The following LSAMP variants were observed in gnomAD, a reference collection of about 807,000 sequenced individuals.
LSAMP encodes limbic system associated membrane protein.
In LSAMP, 7 loss-of-function variants were observed where a neutral mutation model predicts 38.6. That is an observed-to-expected ratio of 0.18 (90% CI 0.10 to 0.34). The LOEUF (loss-of-function observed/expected upper bound fraction) is 0.34. Ranked by LOEUF, LSAMP falls within the 10% of genes least tolerant of loss-of-function variation. LSAMP has a pLI of 1.00. For missense variants in LSAMP, 313 were observed against 420.0 expected (o/e 0.75, Z 2.23); for synonymous variants, 154 against 166.8 (o/e 0.92, Z 0.59).
intron 3 of LSAMP, among the ~76,000 whole-genome samples, chr3:115,863,139 AC>A: frequency 6.6e-6 from 1 of 152,328 alleles, no homozygotes; most frequent in Middle Eastern, 3.4e-3. Context: ...ATAGTCTCGA[AC>A]TTGACAAGTC....
At chr3:116,083,286 A>C (rs1286686611) in intron 2 of LSAMP, among the ~76,000 whole-genome samples, 3 of 152,240 alleles carry the variant, frequency 2.0e-5, no homozygotes, top group Non-Finnish European at 2.9e-5. Flanking sequence ...TGTTATCAAC[A>C]TCATCATCAA....
intron 1 of LSAMP, among the ~76,000 whole-genome samples, chr3:116,335,990 C>A (rs1311338591): frequency 6.6e-6 from 1 of 151,976 alleles, no homozygotes; most frequent in Non-Finnish European, 1.5e-5. Context: ...TTTGACAAGG[C>A]TGTCAAGACC....
chr3:115,926,094 G>GTTTAGC (rs1937492619), intron 3 of LSAMP, among the ~76,000 whole-genome samples: 1 of 152,158 alleles, frequency 6.6e-6, no homozygotes, highest in South Asian at 2.1e-4. Flanking sequence ...TGTTATGTGA[G>GTTTAGC]ATGTATGAAG....
At chr3:116,281,703 TAAATC>T (rs2047129559) in intron 1 of LSAMP, among the ~76,000 whole-genome samples, 1 of 152,342 alleles carries the variant, frequency 6.6e-6, no homozygotes, top group African/African-American at 2.4e-5. Context: ...TAGATACTCT[TAAATC>T]AAAAGCCATT....
At chr3:116,387,564 C>G (rs147782563) in intron 1 of LSAMP, among the ~76,000 whole-genome samples, 34 of 152,196 alleles carry the variant, frequency 2.2e-4, no homozygotes, top group Middle Eastern at 3.4e-3. Flanking sequence ...TCCAAAGGTT[C>G]CGTACACAAA....
chr3:115,999,358 T>C (rs1939921103), intron 3 of LSAMP, among the ~76,000 whole-genome samples: 1 of 152,160 alleles, frequency 6.6e-6, no homozygotes. Context: ...TGCTTTGTTA[T>C]CCCCCAAGGA....
intron 1 of LSAMP, among the ~76,000 whole-genome samples, chr3:116,106,734 C>T (rs114802685): frequency 0.065 from 9,857 of 151,956 alleles, 404 homozygotes; most frequent in Non-Finnish European, 0.094. Context: ...CTTCTCAGAC[C>T]GTGTAGGAAA....
At chr3:116,017,780 C>T (rs181296279) in intron 3 of LSAMP, among the ~76,000 whole-genome samples, 1 of 152,178 alleles carries the variant, frequency 6.6e-6, no homozygotes, top group East Asian at 1.9e-4. Flanking sequence ...ATGGTCTTTT[C>T]AAAGGAAAAC....
At chr3:116,018,573 A>G (rs1940549427) in intron 3 of LSAMP, among the ~76,000 whole-genome samples, 2 of 152,204 alleles carry the variant, frequency 1.3e-5, no homozygotes, top group South Asian at 4.1e-4. Context: ...TTTTATAAGA[A>G]TAATTCACCT....
chr3:116,283,833 C>A (rs2047159892), intron 1 of LSAMP, among the ~76,000 whole-genome samples: 1 of 151,904 alleles, frequency 6.6e-6, no homozygotes, highest in Non-Finnish European at 1.5e-5. Flanking sequence ...TGGCAAAACC[C>A]CATTTCTACT....
At chr3:115,939,942 C>T (rs111816348) in intron 3 of LSAMP, among the ~76,000 whole-genome samples, 11,457 of 152,160 alleles carry the variant, frequency 0.075, 517 homozygotes, top group Non-Finnish European at 0.098. Flanking sequence ...CGGACCCTCA[C>T]GGTGAGTGTT....
intron 2 of LSAMP, 103 bp downstream of exon 2, chr3:116,086,221 G>T (rs1576354052): frequency 3.2e-6 from 3 of 935,082 alleles, no homozygotes; most frequent in East Asian, 2.6e-5. Flanking sequence ...TAATATCTTT[G>T]GGAATATTTC....
chr3:115,966,818 T>G (rs188685968), intron 3 of LSAMP, among the ~76,000 whole-genome samples: 95 of 152,322 alleles, frequency 6.2e-4, no homozygotes, highest in Non-Finnish European at 1.0e-3. Context: ...ATAGGCAATT[T>G]ATAAGTAAAA....
At position 116,318,881 on chromosome 3, in the gene LSAMP, A is replaced by G. The variant is rs934546520; in HGVS notation, c.155+125996T>C. Among the ~76,000 whole-genome samples the G allele has an allele frequency of 3.3e-5, 5 of 151,966 alleles. No homozygotes were observed. In the East Asian group the frequency reaches 9.7e-4, roughly 29 times the overall value. ...TTTCTAACAGAAACATGAACTCCCA[A>G]CCTCTATTCTATCAGGCTGACACTC... is the stretch of plus-strand genomic sequence containing the variant. On this transcript the variant is annotated intron_variant, in intron 1 of 6. Transcript: ENST00000490035.
chr3:116,061,157 T>G (rs1336139121), intron 2 of LSAMP, among the ~76,000 whole-genome samples: 1 of 152,108 alleles, frequency 6.6e-6, no homozygotes, highest in Non-Finnish European at 1.5e-5. Flanking sequence ...ATTAATATTT[T>G]TATTTTGCAA....
intron 3 of LSAMP, among the ~76,000 whole-genome samples, chr3:115,919,491 G>A (rs1937333113): frequency 6.6e-6 from 1 of 152,314 alleles, no homozygotes; most frequent in Non-Finnish European, 1.5e-5. Context: ...GAGCATGTAT[G>A]TGCATAGGTA....
intron 5 of LSAMP, 148 bp from the exon 6 acceptor site, chr3:115,842,141 G>T (rs907133706): frequency 1.1e-5 from 9 of 811,280 alleles, no homozygotes; most frequent in African/African-American, 1.0e-4. Flanking sequence ...TTTTAACTGT[G>T]CAATGCCATA....
chr3:115,898,953 C>T (rs998249772), intron 3 of LSAMP, among the ~76,000 whole-genome samples: 2 of 152,088 alleles, frequency 1.3e-5, no homozygotes, highest in Admixed American at 6.6e-5. Flanking sequence ...ATGCAATGAC[C>T]ATTTGAAGCC....
chr3:115,967,389 C>G (rs1938852584), intron 3 of LSAMP, among the ~76,000 whole-genome samples: 1 of 152,170 alleles, frequency 6.6e-6, no homozygotes, highest in African/African-American at 2.4e-5. Flanking sequence ...ATATTATTAT[C>G]AACATTTTGG....
Sources: allele counts gnomAD v4.1 joint callset (sites outside exome capture counted in the v4.1 genomes callset), GRCh38; gene constraint gnomAD v4.1.1; transcripts MANE v1.5; gene names NCBI Gene and HGNC (gene_info 2026-07-23, HGNC 2026-07-21).